The following WDR27 variants were observed in gnomAD, a reference collection of about 807,000 sequenced individuals.
The protein encoded by WDR27 is WD repeat domain 27, also known as WD repeat-containing protein 27.
In WDR27, 100 loss-of-function variants were observed where a neutral mutation model predicts 114.4. The observed-to-expected ratio is 0.87, with a 90% CI of 0.74 to 1.03. The LOEUF (loss-of-function observed/expected upper bound fraction) is 1.03, where lower values mean the gene tolerates loss of function less well. Among genes scored for constraint, WDR27 ranks in the 50% least tolerant of loss-of-function variants. WDR27 has a pLI of 0.00. For synonymous variants in WDR27, 449 were observed against 423.1 expected (o/e 1.06, Z -0.75); for missense variants, 1,129 against 1,092.9 (o/e 1.03, Z -0.47).
chr6:169,619,488 A>C (rs1401403950), intron 21 of WDR27, among the ~76,000 whole-genome samples: 1 of 152,204 alleles, frequency 6.6e-6, no homozygotes, highest in Non-Finnish European at 1.5e-5. Flanking sequence ...CATGTGCCCA[A>C]AGTGGTCAGG....
At chr6:169,467,930 T>C (rs957971858) in intron 25 of WDR27, among the ~76,000 whole-genome samples, 4 of 152,236 alleles carry the variant, frequency 2.6e-5, no homozygotes, top group East Asian at 1.9e-4. Flanking sequence ...ACCATATCTT[T>C]GTGAATACAT....
intron 25 of WDR27, among the ~76,000 whole-genome samples, chr6:169,545,009 T>G (rs1584106888): frequency 6.6e-6 from 1 of 152,240 alleles, no homozygotes; most frequent in African/African-American, 2.4e-5. Flanking sequence ...GTTAATGCAA[T>G]TTTTATCAAA....
At position 169,634,429 on chromosome 6, in the gene WDR27, G is replaced by A; in HGVS notation, c.2100C>T (p.Ser700=). 6.2e-7 allele frequency: 1 copy of A among 1,610,020 alleles called. No individual in the cohort carries two copies. The highest frequency in any genetic ancestry group is 8.5e-7 in the Non-Finnish European group (1 of 1,177,728). ...ACCAGGATCCGGGAGAAAGGATACG[G>A]GAATAAAAGTCGTTGACTGCCGATA... ...TSLSAVNDFY[S]HIVLAAGRNR... The change falls in exon 20 of 26, where the codon TCC becomes TCT. Residue 700 remains serine, a splice_region_variant and synonymous_variant. Transcript: ENST00000448612.
intron 25 of WDR27, among the ~76,000 whole-genome samples, chr6:169,541,849 G>A (rs1796888334): frequency 6.6e-6 from 1 of 152,078 alleles, no homozygotes; most frequent in Non-Finnish European, 1.5e-5. Context: ...TCTTAACATG[G>A]TCACTTAATA....
chr6:169,506,010 A>G (rs1175730328), intron 25 of WDR27, among the ~76,000 whole-genome samples: 1 of 152,112 alleles, frequency 6.6e-6, no homozygotes, highest in African/African-American at 2.4e-5. Context: ...AAACTTTTAA[A>G]CTCATAAACA....
intron 25 of WDR27, among the ~76,000 whole-genome samples, chr6:169,485,948 A>C (rs1788822495): frequency 6.6e-6 from 1 of 152,176 alleles, no homozygotes; most frequent in South Asian, 2.1e-4. Flanking sequence ...AGTGGGAGCC[A>C]GATGAACACA....
rs146980901 is a variant in WDR27 at position 169,525,105 on chromosome 6, T to G, written c.2645+47314A>C. Among the ~76,000 whole-genome samples the G allele has an allele frequency of 9.5e-3, 1,443 of 151,798 alleles. 8 individuals carry two copies. The highest frequency in any genetic ancestry group is 0.014 in the Non-Finnish European group (957 of 67,924). The stretch of plus-strand genomic sequence containing the variant: ...GTAAAAATAAAAAATTAAATCCAAT[T>G]AAAAAAAATCTGAATAGACGTTTCT... On this transcript the variant is annotated intron_variant, in intron 25 of 25. Coordinates refer to ENST00000448612, the MANE Select transcript of WDR27 (RefSeq NM_182552.5).
chr6:169,701,675 G>A lies in WDR27; in HGVS notation c.-132C>T, dbSNP rs1264432184. The stretch of plus-strand genomic sequence containing the variant: ...CCCTGGAGACCCTCGCACTAGCACG[G>A]CGTCAGGAGGAGGCTTCGGGTGACG... On this transcript the variant is annotated 5_prime_UTR_variant, in exon 1 of 26. Coordinates refer to ENST00000448612, the MANE Select transcript of WDR27 (RefSeq NM_182552.5). 1.1e-5 allele frequency: 2 copies of A among 174,418 alleles called. No individual in the cohort carries two copies. The highest frequency in any genetic ancestry group is 1.9e-4 in the East Asian group (1 of 5,232). The allele number at this position is 174,418 out of a possible 1,614,324, so 10.8% of individuals were successfully genotyped here.
intron 23 of WDR27, among the ~76,000 whole-genome samples, chr6:169,601,091 C>T (rs1164573390): frequency 1.3e-5 from 2 of 152,118 alleles, no homozygotes; most frequent in Non-Finnish European, 2.9e-5. Context: ...AAAGGGAAGC[C>T]CATCAGACTA....
intron 1 of WDR27, among the ~76,000 whole-genome samples, chr6:169,691,527 T>G (rs536521527): frequency 1.5e-4 from 23 of 152,270 alleles, no homozygotes; most frequent in African/African-American, 5.3e-4. Context: ...ATCCACTGCT[T>G]CCCAAAACAT....
chr6:169,474,803 C>T lies in WDR27; in HGVS notation c.2646-17169G>A, dbSNP rs147421782. On this transcript the variant is annotated intron_variant, in intron 25 of 25. Transcript: ENST00000448612. ...AGGAATGATAAAAATAAATCCAGACCTAAATTATTAGCAAATCTCTCATAT... is the reference window on the plus strand; with the variant it reads ...AGGAATGATAAAAATAAATCCAGACTTAAATTATTAGCAAATCTCTCATAT... Among the ~76,000 whole-genome samples, 72 of 152,172 alleles carry T rather than the reference C, an allele frequency of 4.7e-4. 2 individuals are homozygous for T. The East Asian group carries it at 0.011, about 23-fold the overall frequency.
chr6:169,572,258 G>C (rs1318064015), intron 25 of WDR27, among the ~76,000 whole-genome samples, 161 bp downstream of exon 25: 1 of 152,018 alleles, frequency 6.6e-6, no homozygotes, highest in Admixed American at 6.6e-5. Context: ...AAAGAATTCT[G>C]GGCCGGGCGT....
In WDR27 at chr6:169,684,078, C is replaced by G. The variant is rs1782279361; in HGVS notation, c.189+4739G>C. Among the ~76,000 whole-genome samples the G allele has an allele frequency of 6.6e-6, 1 of 152,176 alleles. No individual in the cohort carries two copies. Reference sequence around the variant, plus strand: ...CCACATGAGTGGCTGAATGTCACAACCCCAGTTGCATGGAGCCTGGGACCA... The same window carrying G: ...CCACATGAGTGGCTGAATGTCACAAGCCCAGTTGCATGGAGCCTGGGACCA... On this transcript the variant is annotated intron_variant, in intron 2 of 25. Transcript: ENST00000448612. The surrounding 1 kb of genome is among the most constrained non-coding windows in gnomAD (Gnocchi z 4.3).
intron 25 of WDR27, among the ~76,000 whole-genome samples, chr6:169,505,494 A>G (rs1303072973): frequency 1.7e-5 from 1 of 59,684 alleles, no homozygotes; most frequent in African/African-American, 3.4e-5. Context: ...ACAGGGACTC[A>G]TAATTTGAGA....
At chr6:169,570,975 G>A (rs546599221) in intron 25 of WDR27, among the ~76,000 whole-genome samples, 14 of 152,298 alleles carry the variant, frequency 9.2e-5, no homozygotes, top group South Asian at 6.2e-4. Flanking sequence ...CTCCCTGCCC[G>A]GTATTCTCTG....
chr6:169,501,986 G>T (rs1791311018), intron 25 of WDR27, among the ~76,000 whole-genome samples: 1 of 152,206 alleles, frequency 6.6e-6, no homozygotes, highest in Non-Finnish European at 1.5e-5. Flanking sequence ...CCAAGGACTG[G>T]GCCGGATCGC....
intron 25 of WDR27, among the ~76,000 whole-genome samples, chr6:169,515,962 G>C (rs1467658916): frequency 6.6e-6 from 1 of 152,012 alleles, no homozygotes; most frequent in African/African-American, 2.4e-5. Flanking sequence ...TCTATGAGTT[G>C]AATGTAATCA....
At position 169,473,836 on chromosome 6, in the gene WDR27, A is replaced by G. The variant is rs1322312264; in HGVS notation, c.2646-16202T>C. Among the ~76,000 whole-genome samples, 3 of 152,226 alleles carry G rather than the reference A, an allele frequency of 2.0e-5. No individual in the cohort carries two copies. In the East Asian group the frequency reaches 5.8e-4, roughly 29 times the overall value. On this transcript the variant is annotated intron_variant, in intron 25 of 25. Transcript: ENST00000448612. ...AGTCCTGTAATCCACATGGGCAGAG[A>G]AAACAAAATGAGCAAGCAAAACAAA...
At chr6:169,475,228 T>C (rs1786982396) in intron 25 of WDR27, among the ~76,000 whole-genome samples, 5 of 152,244 alleles carry the variant, frequency 3.3e-5, no homozygotes, top group Admixed American at 2.6e-4. Flanking sequence ...TATTTATTGA[T>C]TGATTCATTT....
Sources: gnomAD v4.1 joint callset for allele counts (sites outside exome capture counted in the v4.1 genomes callset) on GRCh38, gnomAD v4.1.1 for gene constraint, Gnocchi (gnomAD v3.1) non-coding constraint, MANE v1.5 for transcripts, NCBI Gene and HGNC (gene_info 2026-07-23, HGNC 2026-07-21) for gene names.